RP1L1: variants seen among roughly 807,000 people sequenced by gnomAD.
RP1L1 encodes the protein RP1 like 1, also known as retinitis pigmentosa 1-like 1 protein.
RP1L1 carries 27 observed loss-of-function variants against 15.7 expected under a neutral mutation model. The observed-to-expected ratio is 1.72, with a 90% CI of 1.27 to 2.38. The LOEUF is 2.38. Among genes scored for constraint, RP1L1 ranks in the 30% most tolerant of loss-of-function variants. RP1L1 has a pLI of 0.00. For missense variants in RP1L1, 4,798 were observed against 3,075.9 expected, an observed-to-expected ratio of 1.56 and a Z score of -13.24; for synonymous variants, 1,813 against 1,276.7, an observed-to-expected ratio of 1.42 and a Z score of -8.96.
intron 3 of RP1L1, among the ~76,000 whole-genome samples, chr8:10,614,899 A>T (rs1797941053): frequency 6.6e-6 from 1 of 152,206 alleles, no homozygotes; most frequent in Non-Finnish European, 1.5e-5. Flanking sequence ...TGTTGTGCAC[A>T]TGTACCCTAA....
chr8:10,619,089 C>CA (rs1376640304), intron 2 of RP1L1, among the ~76,000 whole-genome samples: 1 of 152,166 alleles, frequency 6.6e-6, no homozygotes, highest in Non-Finnish European at 1.5e-5. Context: ...AGGCTGGTCT[C>CA]AAACTCCTGA....
At position 10,611,041 on chromosome 8, in the gene RP1L1, G is replaced by T. The variant is rs1797839478; in HGVS notation, c.3057C>A (p.Gly1019=). ...GGGCTCCCTCTGGCTCTGGGTCCTG[G>T]CCGGGGTCCCCTTCCAGGGACTGCT... ...AGQQSLEGDP[G]QDPEPEGALL... The change falls in exon 4 of 4, where the codon GGC becomes GGA. Residue 1019 remains glycine, a synonymous_variant. Coordinates refer to ENST00000382483, the MANE Select transcript of RP1L1 (RefSeq NM_178857.6). 6.2e-7 allele frequency: 1 copy of T among 1,612,752 alleles called. No individual in the cohort carries two copies. Among genetic ancestry groups the T allele is most frequent in the South Asian group, 1.1e-5 (1 of 91,072 alleles).
rs1313251160 is a variant in RP1L1 at position 10,611,409 on chromosome 8, G to T, written c.2689C>A (p.Pro897Thr). 1 of 1,593,686 alleles carries T rather than the reference G, an allele frequency of 6.3e-7. No homozygotes were observed. Among genetic ancestry groups the T allele is most frequent in the African/African-American group, 1.3e-5 (1 of 74,690 alleles). The part of the protein sequence containing the change: ...SPQEGTRQPG[P>T]TPSPGPNSGA... ...GAATTGGGGCCTGGGGACGGCGTGG[G>T]GCCTGGCTGGCGTGTCCCCTCCTGC... The change falls in exon 4 of 4, where the codon CCC becomes ACC. Residue 897 changes from proline to threonine, a missense_variant. Pro to Thr is a conservative substitution (Grantham distance 38, BLOSUM62 -1). Transcript: ENST00000382483.
intron 1 of RP1L1, among the ~76,000 whole-genome samples, chr8:10,636,527 C>T (rs1157803239): frequency 5.9e-5 from 9 of 152,314 alleles, no homozygotes; most frequent in Non-Finnish European, 8.8e-5. Flanking sequence ...CCTTCCCCCT[C>T]GAATGGCAAC....
chr8:10,621,752 G>T (rs761103694), intron 2 of RP1L1: 8 of 509,206 alleles, frequency 1.6e-5, no homozygotes, highest in Non-Finnish European at 3.1e-5. Flanking sequence ...ACCTTTGGTG[G>T]AATTTCATGT....
intron 1 of RP1L1, among the ~76,000 whole-genome samples, chr8:10,624,811 C>T (rs995170377): frequency 9.9e-5 from 15 of 152,270 alleles, no homozygotes; most frequent in East Asian, 3.9e-4. Flanking sequence ...TTCCACGAGC[C>T]GACAATTCTC....
chr8:10,619,284 G>A (rs750000028), intron 2 of RP1L1, among the ~76,000 whole-genome samples: 8 of 152,246 alleles, frequency 5.3e-5, no homozygotes, highest in African/African-American at 1.4e-4. Flanking sequence ...GGCATGGAAC[G>A]TGGCAGCGAA....
chr8:10,630,087 T>C (rs929244738), intron 1 of RP1L1, among the ~76,000 whole-genome samples: 3 of 152,140 alleles, frequency 2.0e-5, no homozygotes, highest in African/African-American at 7.2e-5. Flanking sequence ...CATGAGGGCG[T>C]AGTCAAGTCA....
In RP1L1 at chr8:10,613,072, C is replaced by T; in HGVS notation, c.1026G>A (p.Arg342=). 1 of 1,613,764 alleles carries T rather than the reference C, an allele frequency of 6.2e-7. No homozygotes were observed. ...VGEDTLLWSR[R]MGRASALTAA... The stretch of plus-strand genomic sequence containing the variant: ...CCGTGAGGGCGCTGGCCCTGCCCAT[C>T]CTCCGGGACCATAGGAGCGTGTCCT... The change falls in exon 4 of 4, where the codon AGG becomes AGA. Residue 342 remains arginine (R), a synonymous_variant. Coordinates refer to ENST00000382483, the MANE Select transcript of RP1L1 (RefSeq NM_178857.6).
At chr8:10,616,377 T>A (rs751732904) in intron 3 of RP1L1, 69 bp downstream of exon 3, 79 of 1,603,060 alleles carry the variant, frequency 4.9e-5, no homozygotes, top group Non-Finnish European at 6.7e-5. Context: ...CCTGGAAGGC[T>A]TTCCACTCAG....
chr8:10,622,973 C>G lies in RP1L1; in HGVS notation c.229G>C (p.Gly77Arg). 6.2e-7 allele frequency: 1 copy of G among 1,614,116 alleles called. No individual in the cohort carries two copies. The highest frequency in any genetic ancestry group is 1.1e-5 in the South Asian group (1 of 91,076). Residue 77 changes from glycine to arginine, a missense_variant, in exon 2 of 4, where the codon GGG becomes CGG. Transcript: ENST00000382483. ...CGGGGTGTGGTGACAGAGCGCACCC[C>G]AAAGGAGAGAGGCACGCGCTGGGAG... ...ELSQRVPLSF[G>R]VRSVTTPRGL...
At chr8:10,632,875 C>G (rs1420595863) in intron 1 of RP1L1, among the ~76,000 whole-genome samples, 1 of 152,128 alleles carries the variant, frequency 6.6e-6, no homozygotes, top group East Asian at 1.9e-4. Flanking sequence ...ATGAGCTATC[C>G]CTTTAAGGAT....
intron 3 of RP1L1, 49 bp downstream of exon 3, chr8:10,616,397 A>G: frequency 1.2e-6 from 2 of 1,612,902 alleles, no homozygotes; most frequent in Non-Finnish European, 1.7e-6. Context: ...GCCCTACTGA[A>G]CCACCATGCA....
chr8:10,648,437 T>C (rs1798512122), intron 1 of RP1L1, among the ~76,000 whole-genome samples: 1 of 152,178 alleles, frequency 6.6e-6, no homozygotes, highest in African/African-American at 2.4e-5. Flanking sequence ...CTAGAGCTGC[T>C]CTGTTTATAA....
chr8:10,622,340 A>G (rs1054463392), intron 2 of RP1L1, among the ~76,000 whole-genome samples: 2 of 151,690 alleles, frequency 1.3e-5, no homozygotes, highest in African/African-American at 2.4e-5. Flanking sequence ...AAAGCCAAAA[A>G]AAAAAAAAAA....
chr8:10,625,942 C>T (rs1798150475), intron 1 of RP1L1, among the ~76,000 whole-genome samples: 1 of 149,984 alleles, frequency 6.7e-6, no homozygotes, highest in Admixed American at 6.6e-5. Flanking sequence ...AAGGAGGGGG[C>T]GGTGCCGGGG....
At chr8:10,626,433 G>C (rs1056677604) in intron 1 of RP1L1, among the ~76,000 whole-genome samples, 1 of 152,156 alleles carries the variant, frequency 6.6e-6, no homozygotes, top group Non-Finnish European at 1.5e-5. Context: ...AAACACGTGG[G>C]GCATGCAGCC....
chr8:10,630,557 T>G (rs148672422), intron 1 of RP1L1, among the ~76,000 whole-genome samples: 83 of 152,330 alleles, frequency 5.4e-4, no homozygotes, highest in African/African-American at 1.9e-3. Flanking sequence ...TCACTTTCAC[T>G]TTCTGTTTCC....
chr8:10,648,251 C>G (rs551530311), intron 1 of RP1L1, among the ~76,000 whole-genome samples: 1 of 152,116 alleles, frequency 6.6e-6, no homozygotes, highest in East Asian at 1.9e-4. Flanking sequence ...AGGCTGGTCT[C>G]GAACTCCTGA....
Sources: allele counts gnomAD v4.1 joint callset (sites outside exome capture counted in the v4.1 genomes callset), GRCh38; gene constraint gnomAD v4.1.1; transcripts MANE v1.5; gene names NCBI Gene and HGNC (gene_info 2026-07-23, HGNC 2026-07-21).